Variants in FANCB observed in about 807,000 individuals in gnomAD.
FANCB encodes FA complementation group B.
Under a neutral mutation model 38.9 loss-of-function variants are expected in FANCB, and 5 were observed. That is an observed-to-expected ratio of 0.13 (90% CI 0.07 to 0.27). The LOEUF is 0.27. Among genes scored for constraint, FANCB ranks in the 10% least tolerant of loss-of-function variants. The pLI, the probability that FANCB is intolerant of heterozygous loss-of-function variation, is 1.00. For missense variants in FANCB, 573 were observed against 602.7 expected, an observed-to-expected ratio of 0.95 and a Z score of 0.52; for synonymous variants, 236 against 215.4, an observed-to-expected ratio of 1.10 and a Z score of -0.84.
chrX:14,768,385 T>G, the FANCB span, among the ~76,000 whole-genome samples: 3 of 111,507 alleles, frequency 2.7e-5, no homozygotes, highest in Admixed American at 2.9e-4. Flanking sequence ...CTTCCCTTGC[T>G]AGCTGTATTC....
chrX:14,799,281 C>A, the FANCB span, among the ~76,000 whole-genome samples: 3 of 112,119 alleles, frequency 2.7e-5, no homozygotes, highest in East Asian at 8.4e-4. Flanking sequence ...TCCACACTTT[C>A]ACTATTTTCT....
the FANCB span, among the ~76,000 whole-genome samples, chrX:14,777,203 C>G: frequency 1.5e-4 from 17 of 111,876 alleles, no homozygotes; most frequent in Non-Finnish European, 2.8e-4. Context: ...GGTTTATAAA[C>G]TCAACTCGTA....
the FANCB span, among the ~76,000 whole-genome samples, chrX:14,829,632 CGGTT>C: frequency 8.9e-6 from 1 of 111,957 alleles, no homozygotes; most frequent in Non-Finnish European, 1.9e-5. Flanking sequence ...GTTATAGAGA[CGGTT>C]TCTTTCCTTA....
the FANCB span, among the ~76,000 whole-genome samples, chrX:14,801,767 A>G: frequency 9.1e-6 from 1 of 110,471 alleles, no homozygotes; most frequent in African/African-American, 3.3e-5. Context: ...AAAAATGACC[A>G]CTGGCCCCTT....
intron 3 of FANCB, chrX:14,862,302 G>A (rs1054552106): frequency 3.6e-5 from 4 of 111,489 alleles, no homozygotes; most frequent in African/African-American, 9.8e-5. Context: ...GCATTTGAGA[G>A]CAGGTTAGAA....
chrX:14,809,529 T>C, the FANCB span, among the ~76,000 whole-genome samples: 16 of 111,489 alleles, frequency 1.4e-4, 1 homozygote, highest in Admixed American at 1.5e-3. Context: ...GGAGATTATA[T>C]CCTGCACCTG....
At chrX:14,813,521 C>T in the FANCB span, among the ~76,000 whole-genome samples, 1 of 111,243 alleles carries the variant, frequency 9.0e-6, no homozygotes, top group Non-Finnish European at 1.9e-5. Flanking sequence ...ATACACTATA[C>T]ACCAATAACA....
the FANCB span, among the ~76,000 whole-genome samples, chrX:14,767,574 C>T: frequency 9.0e-6 from 1 of 110,703 alleles, no homozygotes; most frequent in African/African-American, 3.3e-5. Context: ...TTTGTAGACT[C>T]TGGATATTAG....
At chrX:14,794,185 G>A in the FANCB span, among the ~76,000 whole-genome samples, 1 of 111,626 alleles carries the variant, frequency 9.0e-6, no homozygotes, top group Non-Finnish European at 1.9e-5. Context: ...TAGATGTGGA[G>A]AGGAGGAGAG....
At chrX:14,812,123 A>G in the FANCB span, among the ~76,000 whole-genome samples, 6 of 110,690 alleles carry the variant, frequency 5.4e-5, no homozygotes. Context: ...CAACGAGAAC[A>G]AAGACACAAC....
chrX:14,698,681 C>CAAAAAAAAAAAA, the FANCB span, among the ~76,000 whole-genome samples: 1 of 21,123 alleles, frequency 4.7e-5, no homozygotes, highest in Non-Finnish European at 7.8e-5. Context: ...CTATCTATCT[C>CAAAAAAAAAAAA]AAAAAAAAAA....
chrX:14,829,832 C>T, the FANCB span, among the ~76,000 whole-genome samples: 2 of 112,279 alleles, frequency 1.8e-5, no homozygotes, highest in Non-Finnish European at 3.8e-5. Context: ...AAGATAAGGA[C>T]GTCTTGCTTT....
chrX:14,754,649 A>G, the FANCB span, among the ~76,000 whole-genome samples: 1 of 111,409 alleles, frequency 9.0e-6, no homozygotes, highest in East Asian at 2.8e-4. Context: ...TCTCAGAATA[A>G]CAGTCATTGG....
the FANCB span, among the ~76,000 whole-genome samples, chrX:14,809,417 C>T: frequency 1.8e-5 from 2 of 112,321 alleles, no homozygotes; most frequent in African/African-American, 6.5e-5. Flanking sequence ...AGGGAGTTCC[C>T]TTTCCGAGTC....
At chrX:14,840,172 T>A (rs1273193200), downstream of FANCB, among the ~76,000 whole-genome samples, 1 of 112,110 alleles carries the variant, frequency 8.9e-6, no homozygotes, top group Non-Finnish European at 1.9e-5. Flanking sequence ...ATTTTTTTTT[T>A]AGTAATTGGC....
chrX:14,822,667 TCAG>T, the FANCB span, among the ~76,000 whole-genome samples: 1 of 111,405 alleles, frequency 9.0e-6, no homozygotes, highest in Non-Finnish European at 1.9e-5. Context: ...ATGGTCAACT[TCAG>T]CAGAAGACTT....
chrX:14,793,581 T>C, the FANCB span, among the ~76,000 whole-genome samples: 2 of 112,227 alleles, frequency 1.8e-5, no homozygotes, highest in East Asian at 5.6e-4. Flanking sequence ...CAAAATCCAA[T>C]AGCAATATTT....
intron 7 of FANCB, among the ~76,000 whole-genome samples, chrX:14,847,685 T>A (rs1036666813): frequency 9.2e-6 from 1 of 108,879 alleles, no homozygotes; most frequent in African/African-American, 3.3e-5. Flanking sequence ...CTTAATCATG[T>A]CATTGTCAAA....
At chrX:14,753,182 A>G in the FANCB span, among the ~76,000 whole-genome samples, 2 of 111,840 alleles carry the variant, frequency 1.8e-5, no homozygotes, top group Non-Finnish European at 3.8e-5. Context: ...TATCTTTTCT[A>G]CAGTTCACAT....
Sources: allele counts gnomAD v4.1 joint callset (sites outside exome capture counted in the v4.1 genomes callset), GRCh38; gene constraint gnomAD v4.1.1; transcripts MANE v1.5; gene names NCBI Gene and HGNC (gene_info 2026-07-23, HGNC 2026-07-21).